Variants in PLCH1 observed in about 807,000 individuals in gnomAD.
PLCH1 encodes 1-phosphatidylinositol 4,5-bisphosphate phosphodiesterase eta-1.
Under a neutral mutation model 126.7 loss-of-function variants are expected in PLCH1, and 60 were observed. That is an observed-to-expected ratio of 0.47 (90% CI 0.38 to 0.59). PLCH1 has a LOEUF of 0.59. Among genes scored for constraint, PLCH1 ranks in the 20% least tolerant of loss-of-function variants. PLCH1 has a pLI of 0.00. For missense variants in PLCH1, 1,723 were observed against 2,040.0 expected (o/e 0.84, Z 2.99); for synonymous variants, 719 against 734.9 (o/e 0.98, Z 0.35).
chr3:155,497,906 G>C (rs983769063), intron 14 of PLCH1, among the ~76,000 whole-genome samples: 1 of 152,052 alleles, frequency 6.6e-6, no homozygotes, highest in Non-Finnish European at 1.5e-5. Flanking sequence ...GCAGTGAAAG[G>C]GTTTCACCAT....
intron 1 of PLCH1, among the ~76,000 whole-genome samples, chr3:155,740,573 A>G (rs1482968082): frequency 2.0e-5 from 3 of 152,142 alleles, no homozygotes; most frequent in Non-Finnish European, 4.4e-5. Flanking sequence ...ATTCGAGGCC[A>G]GGAGCAGTGG....
intron 1 of PLCH1, among the ~76,000 whole-genome samples, chr3:155,727,988 C>G (rs1748473150): frequency 6.6e-6 from 1 of 152,100 alleles, no homozygotes; most frequent in Non-Finnish European, 1.5e-5. Context: ...AGATGTCTCA[C>G]TCTCTTGTCC....
intron 2 of PLCH1, among the ~76,000 whole-genome samples, chr3:155,670,830 T>C (rs1270554866): frequency 6.6e-6 from 1 of 152,174 alleles, no homozygotes; most frequent in African/African-American, 2.4e-5. Context: ...TAACCATTCT[T>C]ACCCCACTGC....
chr3:155,585,998 A>G, intron 5 of PLCH1, 67 bp downstream of exon 5: 1 of 1,391,704 alleles, frequency 7.2e-7, no homozygotes, highest in Non-Finnish European at 1.0e-6. Context: ...TAGCTTTTTA[A>G]TATACCTAAG....
intron 7 of PLCH1, among the ~76,000 whole-genome samples, chr3:155,567,446 A>C (rs578118465): frequency 1.3e-5 from 2 of 151,928 alleles, no homozygotes; most frequent in African/African-American, 2.4e-5. Flanking sequence ...ATGGTATTAA[A>C]CCCCCCTTGT....
At chr3:155,511,473 C>T (rs1009253187) in intron 12 of PLCH1, among the ~76,000 whole-genome samples, 10 of 101,152 alleles carry the variant, frequency 9.9e-5, no homozygotes, top group South Asian at 6.5e-4. Flanking sequence ...GTTTTTTCCC[C>T]ATCTTTGTGG....
chr3:155,560,894 C>T (rs2108495736), intron 8 of PLCH1, among the ~76,000 whole-genome samples: 1 of 152,274 alleles, frequency 6.6e-6, no homozygotes, highest in Non-Finnish European at 1.5e-5. Flanking sequence ...CCTCCTTACC[C>T]TGGCTAAGCA....
intron 2 of PLCH1, among the ~76,000 whole-genome samples, chr3:155,673,681 A>AT (rs1743785699): frequency 6.6e-6 from 1 of 152,106 alleles, no homozygotes; most frequent in African/African-American, 2.4e-5. Context: ...CCCTATGACT[A>AT]TTTTTTCTTC....
intron 10 of PLCH1, among the ~76,000 whole-genome samples, chr3:155,528,566 T>C (rs1452029016): frequency 6.6e-6 from 1 of 152,222 alleles, no homozygotes; most frequent in Non-Finnish European, 1.5e-5. Flanking sequence ...ATTTAAAATG[T>C]AGTGATAGCA....
chr3:155,550,079 G>A, intron 9 of PLCH1, 121 bp from the exon 10 acceptor site: 1 of 606,810 alleles, frequency 1.6e-6, no homozygotes, highest in South Asian at 2.9e-5. Flanking sequence ...CGATACTGAT[G>A]ATGGTTAAAA....
chr3:155,612,543 AAG>A (rs1735244697), intron 2 of PLCH1, among the ~76,000 whole-genome samples: 2 of 152,090 alleles, frequency 1.3e-5, no homozygotes, highest in South Asian at 2.1e-4. Flanking sequence ...ACAAAAAAAA[AAG>A]ATAAATGAAC....
In PLCH1 at chr3:155,526,660, TTC is replaced by T. The variant is rs549521364; in HGVS notation, c.1363-2658_1363-2657del. The stretch of plus-strand genomic sequence containing the variant: ...ACTAAAGGAATCTCGGAAGCAGAGC[TTC>T]CCTCAGTTCAGCTGTGAGATGACTG... On this transcript the variant is annotated intron_variant, in intron 10 of 22. Transcript: ENST00000460012. 2.6e-5 allele frequency among the ~76,000 whole-genome samples: 4 copies of T among 152,186 alleles called. No homozygotes were observed. In the East Asian group the frequency reaches 7.7e-4, roughly 29 times the overall value.
At chr3:155,595,757 G>T (rs1435490460) in intron 3 of PLCH1, among the ~76,000 whole-genome samples, 2 of 151,954 alleles carry the variant, frequency 1.3e-5, no homozygotes, top group East Asian at 3.9e-4. Context: ...TGTTTCTCTA[G>T]GGAAAGCTGA....
chr3:155,594,379 T>A (rs1732644241), intron 3 of PLCH1, among the ~76,000 whole-genome samples, 195 bp from the exon 4 acceptor site: 1 of 151,904 alleles, frequency 6.6e-6, no homozygotes, highest in South Asian at 2.1e-4. Context: ...GAGACCAGCC[T>A]GGGCAACATG....
chr3:155,710,598 C>T (rs548245345), intron 1 of PLCH1, among the ~76,000 whole-genome samples: 48 of 152,048 alleles, frequency 3.2e-4, no homozygotes, highest in Middle Eastern at 6.8e-3. Context: ...TTTGGGAGGC[C>T]GAGGTGGGCA....
At chr3:155,564,800 G>A in intron 8 of PLCH1, 115 bp downstream of exon 8, 1 of 651,678 alleles carries the variant, frequency 1.5e-6, no homozygotes, top group South Asian at 1.9e-5. Flanking sequence ...CAGAAAAGTA[G>A]TACTAATTAG....
At chr3:155,654,121 G>A (rs978572105) in intron 2 of PLCH1, among the ~76,000 whole-genome samples, 3 of 150,542 alleles carry the variant, frequency 2.0e-5, no homozygotes, top group Admixed American at 6.7e-5. Flanking sequence ...ACTCAACTCC[G>A]CAGCAGCATT....
At position 155,494,124 on chromosome 3, in the gene PLCH1, A is replaced by T. The variant is rs1284497121; in HGVS notation, c.2182+17T>A. The T allele has an allele frequency of 6.3e-7, 1 of 1,579,740 alleles. No homozygotes were observed. Among genetic ancestry groups the T allele is most frequent in the Admixed American group, 1.7e-5 (1 of 59,966 alleles). ...TTAACACACACCTGCATTTATGACT[A>T]TGAAATTAATACACACCTTTGCACA... On this transcript the variant is annotated intron_variant, in intron 17 of 22. Transcript: ENST00000460012.
In PLCH1 at chr3:155,530,730, G is replaced by A. The variant is rs543440186; in HGVS notation, c.1363-6726C>T. Among the ~76,000 whole-genome samples the A allele has an allele frequency of 1.2e-4, 19 of 152,206 alleles. 1 individual carries two copies. The highest frequency in any genetic ancestry group is 3.4e-3 in the Middle Eastern group (1 of 294). On this transcript the variant is annotated intron_variant, in intron 10 of 22. Coordinates refer to ENST00000460012, the MANE Select transcript of PLCH1 (RefSeq NM_014996.4). ...TCTGTTGACCTCCTCAAAAAAAATC[G>A]CAAATGTTCTTAATGGCATTTAGAA...
Sources: gnomAD v4.1 joint callset for allele counts (sites outside exome capture counted in the v4.1 genomes callset) on GRCh38, gnomAD v4.1.1 for gene constraint, MANE v1.5 for transcripts, NCBI Gene and HGNC (gene_info 2026-07-23, HGNC 2026-07-21) for gene names.